Variants in PTPRD observed in about 807,000 individuals in gnomAD.
PTPRD encodes the protein receptor-type tyrosine-protein phosphatase delta.
A neutral mutation model predicts 214.5 loss-of-function variants in PTPRD; 34 were observed. That is an observed-to-expected ratio of 0.16 (90% CI 0.12 to 0.21). The LOEUF (loss-of-function observed/expected upper bound fraction) is 0.21. Among genes scored for constraint, PTPRD ranks in the 10% least tolerant of loss-of-function variants. The probability of loss-of-function intolerance (pLI) is 1.00; values close to 1 mark genes in which losing one functional copy is unlikely to be tolerated. For synonymous variants in PTPRD, 1,128 were observed against 845.7 expected, an observed-to-expected ratio of 1.33 and a Z score of -5.79; for missense variants, 2,545 against 2,398.7, an observed-to-expected ratio of 1.06 and a Z score of -1.27.
intron 9 of PTPRD, among the ~76,000 whole-genome samples, chr9:9,388,681 G>C (rs2064759575): frequency 6.6e-6 from 1 of 152,202 alleles, no homozygotes; most frequent in Non-Finnish European, 1.5e-5. Flanking sequence ...AAATATACGA[G>C]CTGAAATCTG....
At chr9:8,829,979 A>G (rs890297669) in intron 11 of PTPRD, among the ~76,000 whole-genome samples, 4 of 152,244 alleles carry the variant, frequency 2.6e-5, no homozygotes, top group Non-Finnish European at 5.9e-5. Context: ...GACCTTTCAG[A>G]AAATATTTAC....
At chr9:9,552,577 G>C (rs189598102) in intron 8 of PTPRD, among the ~76,000 whole-genome samples, 22 of 152,042 alleles carry the variant, frequency 1.4e-4, no homozygotes, top group Admixed American at 3.3e-4. Context: ...TCTGTAGTAA[G>C]CCTATAGCAA....
At chr9:8,684,418 A>T (rs1031260831) in intron 12 of PTPRD, among the ~76,000 whole-genome samples, 1 of 152,240 alleles carries the variant, frequency 6.6e-6, no homozygotes, top group Non-Finnish European at 1.5e-5. Flanking sequence ...CAAGATTGGA[A>T]CCCAAGTCCC....
intron 3 of PTPRD, among the ~76,000 whole-genome samples, chr9:10,207,554 G>A (rs575674018): frequency 6.6e-6 from 1 of 152,014 alleles, no homozygotes. Flanking sequence ...ATATTATTAT[G>A]TAACTAAATA....
intron 5 of PTPRD, among the ~76,000 whole-genome samples, chr9:9,834,835 T>C (rs1034897520): frequency 3.9e-5 from 6 of 152,038 alleles, no homozygotes; most frequent in African/African-American, 9.7e-5. Flanking sequence ...ATTTAATTGA[T>C]TGGTGATAAC....
intron 11 of PTPRD, among the ~76,000 whole-genome samples, chr9:8,764,119 A>C (rs1043489262): frequency 6.6e-6 from 1 of 152,172 alleles, no homozygotes; most frequent in Non-Finnish European, 1.5e-5. Flanking sequence ...CTCTCACTCT[A>C]ATTATTCCAG....
chr9:8,631,753 T>G (rs1423539285), intron 14 of PTPRD, among the ~76,000 whole-genome samples: 1 of 151,900 alleles, frequency 6.6e-6, no homozygotes, highest in Non-Finnish European at 1.5e-5. Context: ...GTTATTATCT[T>G]GGGTTATTAC....
At chr9:10,345,854 C>A (rs2097068317) in intron 2 of PTPRD, among the ~76,000 whole-genome samples, 2 of 152,248 alleles carry the variant, frequency 1.3e-5, no homozygotes, top group Middle Eastern at 3.4e-3. Context: ...CTTCCACATG[C>A]TTGAAGTAAT....
chr9:9,123,258 A>G (rs145808148), intron 10 of PTPRD, among the ~76,000 whole-genome samples: 272 of 152,326 alleles, frequency 1.8e-3, no homozygotes, highest in African/African-American at 6.0e-3. Context: ...CAAAAATGCA[A>G]TTCTGGTATT....
intron 3 of PTPRD, among the ~76,000 whole-genome samples, chr9:10,258,388 A>C (rs889712481): frequency 5.3e-5 from 8 of 152,184 alleles, no homozygotes; most frequent in African/African-American, 1.9e-4. Flanking sequence ...GTAGAATATT[A>C]TAACATAAGA....
At chr9:10,430,115 AC>A (rs1411262537) in intron 2 of PTPRD, among the ~76,000 whole-genome samples, 1 of 151,960 alleles carries the variant, frequency 6.6e-6, no homozygotes, top group Non-Finnish European at 1.5e-5. Context: ...ATGTAGAACA[AC>A]CTTCATGTAT....
intron 9 of PTPRD, among the ~76,000 whole-genome samples, chr9:9,218,069 C>T (rs965664562): frequency 1.3e-5 from 2 of 152,112 alleles, no homozygotes; most frequent in African/African-American, 4.8e-5. Flanking sequence ...GTTTAAGGAA[C>T]ACCTGATCTT....
chr9:9,382,188 CTTAGT>C (rs1346829022), intron 9 of PTPRD, among the ~76,000 whole-genome samples: 1 of 151,630 alleles, frequency 6.6e-6, no homozygotes, highest in Non-Finnish European at 1.5e-5. Context: ...ATGATTCATT[CTTAGT>C]TTATAGAAAC....
intron 5 of PTPRD, among the ~76,000 whole-genome samples, chr9:9,767,274 G>A (rs1158382497): frequency 6.6e-6 from 1 of 151,982 alleles, no homozygotes; most frequent in Non-Finnish European, 1.5e-5. Context: ...GCATTATAAT[G>A]TTTGTTCATC....
chr9:8,816,182 C>G (rs2096914879), intron 11 of PTPRD, among the ~76,000 whole-genome samples: 1 of 152,128 alleles, frequency 6.6e-6, no homozygotes, highest in Non-Finnish European at 1.5e-5. Flanking sequence ...GAATGTCAAA[C>G]AAAGATAAGC....
At chr9:8,846,725 G>C (rs1357819426) in intron 11 of PTPRD, among the ~76,000 whole-genome samples, 1 of 152,176 alleles carries the variant, frequency 6.6e-6, no homozygotes, top group African/African-American at 2.4e-5. Context: ...GTGTGTGTGT[G>C]TTAGGGATGG....
chr9:9,776,327 A>C (rs1255869655), intron 5 of PTPRD, among the ~76,000 whole-genome samples: 1 of 152,090 alleles, frequency 6.6e-6, no homozygotes, highest in Non-Finnish European at 1.5e-5. Flanking sequence ...TCCTAGTCTT[A>C]GTTGTATGTT....
intron 11 of PTPRD, among the ~76,000 whole-genome samples, chr9:8,831,043 C>G (rs1293448519): frequency 6.6e-6 from 1 of 152,112 alleles, no homozygotes; most frequent in Non-Finnish European, 1.5e-5. Context: ...AAGATAGGCA[C>G]TTAGAAAATC....
At chr9:9,576,766 A>C (rs2088981197) in intron 7 of PTPRD, among the ~76,000 whole-genome samples, 1 of 152,172 alleles carries the variant, frequency 6.6e-6, no homozygotes, top group African/African-American at 2.4e-5. Flanking sequence ...GTTTAAAGTC[A>C]AGCTTTAAGG....
Sources: gnomAD v4.1 joint callset for allele counts (sites outside exome capture counted in the v4.1 genomes callset) on GRCh38, gnomAD v4.1.1 for gene constraint, MANE v1.5 for transcripts, NCBI Gene and HGNC (gene_info 2026-07-23, HGNC 2026-07-21) for gene names.